The following MAGI2 variants were observed in gnomAD, a reference collection of about 807,000 sequenced individuals.
The protein encoded by MAGI2 is membrane-associated guanylate kinase, WW and PDZ domain-containing protein 2.
In MAGI2, 35 loss-of-function variants were observed where a neutral mutation model predicts 133.3. The ratio of observed to expected loss-of-function variants is 0.26; its 90% CI spans 0.20 to 0.35. The LOEUF (loss-of-function observed/expected upper bound fraction) is 0.35, where lower values mean the gene tolerates loss of function less well. MAGI2 is among the 10% of genes least tolerant of loss of function. The probability of loss-of-function intolerance (pLI) is 1.00; values close to 1 mark genes in which losing one functional copy is unlikely to be tolerated. For missense variants in MAGI2, 1,636 were observed against 1,863.4 expected (o/e 0.88, Z 2.25); for synonymous variants, 729 against 710.6 (o/e 1.03, Z -0.41).
intron 1 of MAGI2, among the ~76,000 whole-genome samples, chr7:79,439,418 A>C (rs527632905): frequency 6.6e-6 from 1 of 152,062 alleles, no homozygotes; most frequent in Non-Finnish European, 1.5e-5. Context: ...CTTGGAGCTC[A>C]AATCCAATTA....
At chr7:78,586,274 A>C (rs1803398214) in intron 3 of MAGI2, among the ~76,000 whole-genome samples, 2 of 152,206 alleles carry the variant, frequency 1.3e-5, no homozygotes, top group South Asian at 4.1e-4. Flanking sequence ...CTGACAAGGA[A>C]GGAACTTTGG....
chr7:79,245,548 G>A (rs1289941774), intron 1 of MAGI2, among the ~76,000 whole-genome samples: 1 of 152,216 alleles, frequency 6.6e-6, no homozygotes, highest in African/African-American at 2.4e-5. Flanking sequence ...CCCTCTGCAT[G>A]TGGAAAGGGA....
At chr7:79,346,339 G>T (rs1841311087) in intron 1 of MAGI2, among the ~76,000 whole-genome samples, 1 of 151,908 alleles carries the variant, frequency 6.6e-6, no homozygotes, top group Non-Finnish European at 1.5e-5. Flanking sequence ...CATCAATCCA[G>T]TTTTGAGGTT....
intron 1 of MAGI2, among the ~76,000 whole-genome samples, chr7:79,220,379 A>G (rs1289863691): frequency 6.6e-6 from 1 of 151,956 alleles, no homozygotes; most frequent in Non-Finnish European, 1.5e-5. Context: ...TAACAGGTCA[A>G]AAAAAATGAC....
chr7:78,201,170 G>A lies in MAGI2; in HGVS notation c.2071C>T (p.Pro691Ser). 6.7e-7 allele frequency: 1 copy of A among 1,485,038 alleles called. No homozygotes were observed. Among genetic ancestry groups the A allele is most frequent in the Middle Eastern group, 1.8e-4 (1 of 5,618 alleles). The allele number at this position is 1,485,038 out of a possible 1,614,324, so 92.0% of individuals were successfully genotyped here. The change falls in exon 11 of 22, where the codon CCA becomes TCA. Residue 691 changes from proline (P) to serine (S), a missense_variant. By Grantham distance (74) the Pro-to-Ser change is moderately conservative (BLOSUM62 -1). Coordinates refer to ENST00000354212, the MANE Select transcript of MAGI2 (RefSeq NM_012301.4). ...TAATAATTCCAACTTACAGGCTTTG[G>A]AGTTTTCCATGGAGAAAAGAAACCT... ...RGGFFSPWKT[P>S]KPIMDRWENQ...
intron 16 of MAGI2, among the ~76,000 whole-genome samples, chr7:78,159,446 T>C (rs1221811800): frequency 1.3e-5 from 2 of 152,208 alleles, no homozygotes; most frequent in Non-Finnish European, 2.9e-5. Context: ...ATGGTTCCCA[T>C]GGACTTAGAC....
chr7:78,070,216 T>TACACAC (rs1164217422), intron 21 of MAGI2, among the ~76,000 whole-genome samples: 55 of 52,092 alleles, frequency 1.1e-3, no homozygotes, highest in African/African-American at 2.5e-3. Context: ...TATATATATA[T>TACACAC]ATACACACAC....
At chr7:78,566,487 A>G (rs1303818900) in intron 3 of MAGI2, among the ~76,000 whole-genome samples, 1 of 151,754 alleles carries the variant, frequency 6.6e-6, no homozygotes, top group Non-Finnish European at 1.5e-5. Context: ...CTAACAAAGC[A>G]ATCTATCCAG....
chr7:78,279,484 T>TTC (rs1795349250), intron 9 of MAGI2, among the ~76,000 whole-genome samples: 1 of 152,124 alleles, frequency 6.6e-6, no homozygotes, highest in African/African-American at 2.4e-5. Context: ...GAGTCCAGGC[T>TTC]GAACATCAGG....
intron 1 of MAGI2, among the ~76,000 whole-genome samples, chr7:79,209,036 G>A (rs1273253656): frequency 6.6e-6 from 1 of 151,774 alleles, no homozygotes; most frequent in Non-Finnish European, 1.5e-5. Context: ...TCGGGGCAGG[G>A]GGCTGTTGTG....
At chr7:78,200,475 G>A (rs980071993) in intron 11 of MAGI2, among the ~76,000 whole-genome samples, 1 of 152,154 alleles carries the variant, frequency 6.6e-6, no homozygotes, top group Non-Finnish European at 1.5e-5. Flanking sequence ...GAGATCTCCA[G>A]TATCTGAAGA....
intron 4 of MAGI2, among the ~76,000 whole-genome samples, chr7:78,508,680 T>C (rs1043255008): frequency 8.6e-5 from 13 of 152,040 alleles, no homozygotes; most frequent in African/African-American, 2.7e-4. Context: ...CTCGCACACA[T>C]CATATATATA....
At chr7:79,058,282 T>A (rs1813353335) in intron 1 of MAGI2, among the ~76,000 whole-genome samples, 1 of 152,196 alleles carries the variant, frequency 6.6e-6, no homozygotes, top group African/African-American at 2.4e-5. Context: ...AATGTTGCTC[T>A]CAGTAGAGTT....
At chr7:78,256,641 A>C in intron 9 of MAGI2, 60 bp from the exon 10 acceptor site, 1 of 1,380,726 alleles carries the variant, frequency 7.2e-7, no homozygotes, top group South Asian at 1.2e-5. Context: ...GACATAGAGA[A>C]ATGGAATTAT....
chr7:78,487,845 G>A (rs533324366), intron 6 of MAGI2, among the ~76,000 whole-genome samples: 1 of 152,088 alleles, frequency 6.6e-6, no homozygotes, highest in East Asian at 1.9e-4. Flanking sequence ...TGTCTGAGCC[G>A]AAGTGTGGCA....
chr7:79,127,991 G>A (rs1820582209), intron 1 of MAGI2, among the ~76,000 whole-genome samples: 1 of 152,140 alleles, frequency 6.6e-6, no homozygotes, highest in South Asian at 2.1e-4. Flanking sequence ...GTGTAAGGAA[G>A]GGATCCAGTT....
intron 16 of MAGI2, among the ~76,000 whole-genome samples, chr7:78,140,994 A>G (rs998532364): frequency 1.3e-5 from 2 of 152,186 alleles, no homozygotes; most frequent in Non-Finnish European, 2.9e-5. Context: ...CCAGGTGTAG[A>G]CTGAGAGAAT....
At chr7:78,918,082 A>T (rs913021383) in intron 2 of MAGI2, among the ~76,000 whole-genome samples, 1 of 152,088 alleles carries the variant, frequency 6.6e-6, no homozygotes, top group African/African-American at 2.4e-5. Context: ...TAACCCTCTG[A>T]TTACTTGGCA....
chr7:78,783,574 G>A (rs183772744), intron 2 of MAGI2, among the ~76,000 whole-genome samples: 38 of 152,272 alleles, frequency 2.5e-4, no homozygotes, highest in African/African-American at 7.9e-4. Flanking sequence ...TGGGAGTTCC[G>A]CTGTACAGGA....
Sources: allele counts gnomAD v4.1 joint callset (sites outside exome capture counted in the v4.1 genomes callset), GRCh38; gene constraint gnomAD v4.1.1; transcripts MANE v1.5; gene names NCBI Gene and HGNC (gene_info 2026-07-23, HGNC 2026-07-21).